The following STPG2 variants were observed in gnomAD, a reference collection of about 807,000 sequenced individuals.
STPG2 encodes sperm-tail PG-rich repeat-containing protein 2.
STPG2 carries 56 observed loss-of-function variants against 54.2 expected under a neutral mutation model. The observed-to-expected ratio is 1.03, with a 90% CI of 0.83 to 1.29. The LOEUF (loss-of-function observed/expected upper bound fraction) is 1.29. Among genes scored for constraint, STPG2 ranks in the 50% most tolerant of loss-of-function variants. The probability of loss-of-function intolerance (pLI) is 0.00; values close to 1 mark genes in which losing one functional copy is unlikely to be tolerated. For synonymous variants in STPG2, 200 were observed against 181.8 expected, an observed-to-expected ratio of 1.10 and a Z score of -0.81; for missense variants, 596 against 544.9, an observed-to-expected ratio of 1.09 and a Z score of -0.93.
intron 8 of STPG2, among the ~76,000 whole-genome samples, chr4:97,846,528 G>A (rs1193878199): frequency 6.6e-6 from 1 of 151,464 alleles, no homozygotes; most frequent in African/African-American, 2.4e-5. Context: ...AGGAGGCTGA[G>A]GCAGGAGAAT....
At chr4:97,851,758 C>T (rs2149131488) in intron 8 of STPG2, among the ~76,000 whole-genome samples, 1 of 152,214 alleles carries the variant, frequency 6.6e-6, no homozygotes, top group Admixed American at 6.5e-5. Context: ...ATTTTCTTCT[C>T]TTTGCTATCA....
chr4:97,986,115 C>A (rs1468850721), intron 5 of STPG2, among the ~76,000 whole-genome samples: 3 of 152,132 alleles, frequency 2.0e-5, no homozygotes, highest in Non-Finnish European at 4.4e-5. Context: ...CATTAAAAAT[C>A]ATGTTAATTT....
chr4:97,546,502 T>C (rs184973963), intron 4 of STPG2, among the ~76,000 whole-genome samples: 3 of 152,102 alleles, frequency 2.0e-5, no homozygotes, highest in African/African-American at 7.2e-5. Flanking sequence ...GAAGATGCTA[T>C]AGAGTATATT....
intron 10 of STPG2, among the ~76,000 whole-genome samples, chr4:97,562,994 T>C (rs1454170708): frequency 3.9e-5 from 6 of 152,218 alleles, no homozygotes; most frequent in African/African-American, 1.2e-4. Flanking sequence ...TTTCTATTGA[T>C]AGGAATAGTT....
chr4:97,942,037 G>T (rs1733003038), intron 8 of STPG2, among the ~76,000 whole-genome samples: 2 of 151,690 alleles, frequency 1.3e-5, no homozygotes. Flanking sequence ...AAAAATATTG[G>T]TGAAGCAACT....
chr4:97,511,624 T>G (rs964387991), intron 4 of STPG2, among the ~76,000 whole-genome samples: 1 of 152,098 alleles, frequency 6.6e-6, no homozygotes, highest in African/African-American at 2.4e-5. Flanking sequence ...CTTTATTTAA[T>G]TGGTATATAT....
At chr4:97,520,699 T>A (rs1731162370) in intron 4 of STPG2, among the ~76,000 whole-genome samples, 1 of 151,976 alleles carries the variant, frequency 6.6e-6, no homozygotes, top group South Asian at 2.1e-4. Flanking sequence ...GAAAAAGTGA[T>A]CACAATATTT....
At chr4:97,802,267 C>A (rs897283478) in intron 9 of STPG2, among the ~76,000 whole-genome samples, 1 of 152,132 alleles carries the variant, frequency 6.6e-6, no homozygotes, top group African/African-American at 2.4e-5. Context: ...CTCTGCATAT[C>A]TAAATTACTT....
intron 9 of STPG2, among the ~76,000 whole-genome samples, chr4:97,807,290 A>G (rs1021856978): frequency 1.3e-5 from 2 of 151,790 alleles, no homozygotes; most frequent in Non-Finnish European, 2.9e-5. Flanking sequence ...TGCATTTTTA[A>G]TCTTTCCTTC....
intron 9 of STPG2, among the ~76,000 whole-genome samples, chr4:97,750,280 C>T (rs1042827257): frequency 6.6e-6 from 1 of 151,736 alleles, no homozygotes; most frequent in African/African-American, 2.4e-5. Context: ...CCCAAACAGT[C>T]TACATTCCAC....
chr4:97,865,026 A>G (rs368047486), intron 8 of STPG2, among the ~76,000 whole-genome samples: 2 of 152,124 alleles, frequency 1.3e-5, no homozygotes, highest in Non-Finnish European at 2.9e-5. Context: ...CAGGACATAG[A>G]CATGGGCAAG....
intron 5 of STPG2, among the ~76,000 whole-genome samples, chr4:98,042,057 C>A (rs945906286): frequency 6.6e-6 from 1 of 151,812 alleles, no homozygotes; most frequent in Non-Finnish European, 1.5e-5. Context: ...GTGGTTCAAT[C>A]TGGAAATAAT....
At chr4:97,662,937 G>A (rs1722417734) in intron 10 of STPG2, among the ~76,000 whole-genome samples, 1 of 152,076 alleles carries the variant, frequency 6.6e-6, no homozygotes, top group East Asian at 1.9e-4. Flanking sequence ...TATAAAAGTT[G>A]AAATTATTTT....
At chr4:97,958,764 C>A (rs1286135426) in intron 7 of STPG2, among the ~76,000 whole-genome samples, 1 of 152,160 alleles carries the variant, frequency 6.6e-6, no homozygotes, top group African/African-American at 2.4e-5. Flanking sequence ...GACAGCAACA[C>A]AATAACAGTG....
intron 5 of STPG2, among the ~76,000 whole-genome samples, chr4:98,047,478 G>A (rs534825156): frequency 1.3e-5 from 2 of 152,280 alleles, no homozygotes; most frequent in South Asian, 4.2e-4. Context: ...GGATCTAGGA[G>A]TTTCTGCCTA....
chr4:98,014,376 G>C (rs113606059), intron 5 of STPG2, among the ~76,000 whole-genome samples: 1 of 152,172 alleles, frequency 6.6e-6, no homozygotes, highest in East Asian at 1.9e-4. Flanking sequence ...CAGGTGGGCT[G>C]CGGCAACACA....
intron 4 of STPG2, among the ~76,000 whole-genome samples, chr4:97,487,122 A>G (rs1413141557): frequency 6.6e-6 from 1 of 151,154 alleles, no homozygotes; most frequent in African/African-American, 2.4e-5. Flanking sequence ...GGGAGGGACA[A>G]AAGACTACAA....
chr4:97,733,794 C>T (rs1033355854), intron 9 of STPG2, among the ~76,000 whole-genome samples: 1 of 152,114 alleles, frequency 6.6e-6, no homozygotes, highest in Non-Finnish European at 1.5e-5. Flanking sequence ...GGGTCAGCAT[C>T]ACTTCTCTAT....
chr4:97,566,516 C>A (rs533285103), intron 10 of STPG2, among the ~76,000 whole-genome samples: 1 of 152,194 alleles, frequency 6.6e-6, no homozygotes, highest in Admixed American at 6.5e-5. Flanking sequence ...CAGAAATCAC[C>A]CGTCTTCTGC....
Sources: gnomAD v4.1 joint callset for allele counts (sites outside exome capture counted in the v4.1 genomes callset) on GRCh38, gnomAD v4.1.1 for gene constraint, MANE v1.5 for transcripts, NCBI Gene and HGNC (gene_info 2026-07-23, HGNC 2026-07-21) for gene names.